The following SPTLC3 variants were observed in gnomAD, a reference collection of about 807,000 sequenced individuals.
The protein encoded by SPTLC3 is serine palmitoyltransferase long chain base subunit 3.
In SPTLC3, 36 loss-of-function variants were observed where a neutral mutation model predicts 59.3. The observed-to-expected ratio is 0.61, with a 90% CI of 0.47 to 0.80. The LOEUF is 0.80. SPTLC3 is among the 30% of genes least tolerant of loss of function. SPTLC3 has a pLI of 0.00. For missense variants in SPTLC3, 625 were observed against 685.1 expected, an observed-to-expected ratio of 0.91 and a Z score of 0.98; for synonymous variants, 257 against 240.8, an observed-to-expected ratio of 1.07 and a Z score of -0.62.
intron 10 of SPTLC3, among the ~76,000 whole-genome samples, chr20:13,157,907 T>G (rs1007968101): frequency 6.6e-6 from 1 of 152,194 alleles, no homozygotes; most frequent in Non-Finnish European, 1.5e-5. Context: ...TTGATTTTAT[T>G]AAAGAATGGT....
intron 3 of SPTLC3, chr20:13,073,654 G>T: frequency 3.0e-6 from 1 of 330,444 alleles, no homozygotes; most frequent in South Asian, 3.2e-5. Context: ...ATCAGGGAAT[G>T]ATTAACATTT....
At chr20:13,084,533 G>A (rs534168981) in intron 4 of SPTLC3, among the ~76,000 whole-genome samples, 1 of 152,254 alleles carries the variant, frequency 6.6e-6, no homozygotes, top group South Asian at 2.1e-4. Flanking sequence ...AACTCTCAAG[G>A]TTCTTTTTTC....
At chr20:13,015,270 C>G (rs1985469242) in intron 1 of SPTLC3, among the ~76,000 whole-genome samples, 1 of 152,074 alleles carries the variant, frequency 6.6e-6, no homozygotes, top group Non-Finnish European at 1.5e-5. Context: ...GATGAAAAAC[C>G]AGAAACCATG....
chr20:13,121,170 G>A (rs938882675), intron 8 of SPTLC3, among the ~76,000 whole-genome samples: 1 of 152,150 alleles, frequency 6.6e-6, no homozygotes, highest in African/African-American at 2.4e-5. Flanking sequence ...GCCTGGTGCC[G>A]AACACTGGCT....
At chr20:13,107,657 T>C (rs1187037216) in intron 6 of SPTLC3, among the ~76,000 whole-genome samples, 4 of 152,222 alleles carry the variant, frequency 2.6e-5, no homozygotes, top group Admixed American at 6.5e-5. Flanking sequence ...ATTCTTCCAA[T>C]TCTTCTTTCA....
intron 9 of SPTLC3, among the ~76,000 whole-genome samples, chr20:13,146,409 T>A (rs1343847882): frequency 6.6e-6 from 1 of 152,140 alleles, no homozygotes; most frequent in East Asian, 1.9e-4. Flanking sequence ...TCTTCACATG[T>A]ACCCCGAAAC....
chr20:13,107,775 CTTT>C (rs34968369), intron 6 of SPTLC3, among the ~76,000 whole-genome samples: 2 of 141,996 alleles, frequency 1.4e-5, no homozygotes, highest in East Asian at 2.0e-4. Flanking sequence ...GGAAAATGAC[CTTT>C]TTTTTTTTTT....
intron 7 of SPTLC3, among the ~76,000 whole-genome samples, chr20:13,115,007 C>A (rs752363603): frequency 6.6e-6 from 1 of 152,206 alleles, no homozygotes; most frequent in Non-Finnish European, 1.5e-5. Context: ...CAAATTAACT[C>A]GTGGAATTAT....
chr20:13,133,474 C>A (rs1473900822), intron 9 of SPTLC3, among the ~76,000 whole-genome samples: 1 of 152,208 alleles, frequency 6.6e-6, no homozygotes. Context: ...TGGCTCACAC[C>A]TGTAATCCCA....
intron 1 of SPTLC3, among the ~76,000 whole-genome samples, chr20:13,016,696 A>G (rs903622352): frequency 5.9e-5 from 9 of 152,214 alleles, no homozygotes; most frequent in Non-Finnish European, 1.3e-4. Flanking sequence ...TATACTTTTA[A>G]AAAGAAAGGT....
chr20:13,112,055 G>T lies in SPTLC3; in HGVS notation c.932+1838G>T, dbSNP rs559423067. Among the ~76,000 whole-genome samples, 19 of 152,308 alleles carry T rather than the reference G, an allele frequency of 1.2e-4. No individual in the cohort carries two copies. In the East Asian group the frequency reaches 3.5e-3, roughly 28 times the overall value. On this transcript the variant is annotated intron_variant, in intron 7 of 11. Transcript: ENST00000399002. ...TTTGGTTGCACTAGCAATAGTGACT[G>T]CTCAGTTACCTATTGCCATGTAACA...
chr20:13,122,394 G>T (rs1457437732), intron 8 of SPTLC3, among the ~76,000 whole-genome samples: 1 of 152,298 alleles, frequency 6.6e-6, no homozygotes, highest in East Asian at 1.9e-4. Context: ...GGAAAGTACC[G>T]CAGGGTAAGG....
At chr20:13,092,410 T>G (rs982792236) in intron 5 of SPTLC3, among the ~76,000 whole-genome samples, 1 of 152,242 alleles carries the variant, frequency 6.6e-6, no homozygotes, top group Non-Finnish European at 1.5e-5. Flanking sequence ...CTACATGCAA[T>G]GTATGGTCTT....
chr20:13,040,150 G>T (rs1253751978), intron 1 of SPTLC3, among the ~76,000 whole-genome samples: 1 of 151,198 alleles, frequency 6.6e-6, no homozygotes, highest in African/African-American at 2.4e-5. Flanking sequence ...TAACATTTCT[G>T]GTTTTATTCA....
intron 9 of SPTLC3, among the ~76,000 whole-genome samples, chr20:13,127,001 C>T (rs867269298): frequency 3.9e-5 from 6 of 152,324 alleles, no homozygotes; most frequent in Admixed American, 2.6e-4. Context: ...CGTGTGTGTG[C>T]GCGCACGTGA....
At chr20:13,037,587 G>C (rs1027061084) in intron 1 of SPTLC3, among the ~76,000 whole-genome samples, 2 of 152,166 alleles carry the variant, frequency 1.3e-5, no homozygotes, top group East Asian at 3.8e-4. Flanking sequence ...GTCTGAGGGA[G>C]AAGTGCTCCT....
At chr20:13,099,656 G>T (rs1208797416) in intron 6 of SPTLC3, among the ~76,000 whole-genome samples, 1 of 152,108 alleles carries the variant, frequency 6.6e-6, no homozygotes, top group Admixed American at 6.5e-5. Flanking sequence ...GAGAGGTGAG[G>T]GAAGCAAGAA....
At chr20:13,136,845 CA>C (rs1160851257) in intron 9 of SPTLC3, among the ~76,000 whole-genome samples, 1 of 151,160 alleles carries the variant, frequency 6.6e-6, no homozygotes, top group Non-Finnish European at 1.5e-5. Context: ...ATTATTGCTG[CA>C]AAAAAGGTCA....
intron 9 of SPTLC3, among the ~76,000 whole-genome samples, chr20:13,142,813 A>T (rs1366940762): frequency 6.6e-6 from 1 of 152,156 alleles, no homozygotes; most frequent in African/African-American, 2.4e-5. Context: ...GTCAATGGGA[A>T]CACTCTCAGC....
Sources: allele counts gnomAD v4.1 joint callset (sites outside exome capture counted in the v4.1 genomes callset), GRCh38; gene constraint gnomAD v4.1.1; transcripts MANE v1.5; gene names NCBI Gene and HGNC (gene_info 2026-07-23, HGNC 2026-07-21).